The following ENTREP2 variants were observed in gnomAD, a reference collection of about 807,000 sequenced individuals.
ENTREP2 encodes protein ENTREP2.
At chr15:29,607,304 CT>C in the ENTREP2 span, among the ~76,000 whole-genome samples, 24,656 of 131,562 alleles carry the variant, frequency 0.19, 1,717 homozygotes, top group Middle Eastern at 0.25. Flanking sequence ...CTCTTCATTT[CT>C]TTTTTTTTTT....
chr15:29,480,028 T>G, the ENTREP2 span, among the ~76,000 whole-genome samples: 1 of 152,104 alleles, frequency 6.6e-6, no homozygotes, highest in Non-Finnish European at 1.5e-5. Flanking sequence ...GCTAAAAAAT[T>G]TGCTTGTTCA....
the ENTREP2 span, among the ~76,000 whole-genome samples, chr15:29,412,435 C>T: frequency 2.6e-5 from 4 of 151,986 alleles, no homozygotes; most frequent in African/African-American, 9.7e-5. Context: ...AACCACCTTG[C>T]CAAACTCATT....
chr15:29,533,252 C>T, the ENTREP2 span, among the ~76,000 whole-genome samples: 1 of 152,214 alleles, frequency 6.6e-6, no homozygotes, highest in East Asian at 1.9e-4. Context: ...AAAGCCACAG[C>T]ACACACAACT....
At chr15:29,262,235 T>G in the ENTREP2 span, among the ~76,000 whole-genome samples, 2 of 152,216 alleles carry the variant, frequency 1.3e-5, no homozygotes, top group Non-Finnish European at 2.9e-5. Flanking sequence ...GTTATACTGT[T>G]GGGGTTCTTT....
At chr15:29,177,066 T>G in the ENTREP2 span, among the ~76,000 whole-genome samples, 2 of 152,008 alleles carry the variant, frequency 1.3e-5, no homozygotes, top group Non-Finnish European at 2.9e-5. Flanking sequence ...AAGGAAGAGT[T>G]GGAGGGACGC....
the ENTREP2 span, among the ~76,000 whole-genome samples, chr15:29,189,015 T>C: frequency 6.6e-6 from 1 of 152,216 alleles, no homozygotes; most frequent in African/African-American, 2.4e-5. Context: ...TCTCTCCACC[T>C]GGCTGTGCAC....
At chr15:29,397,866 T>TA in the ENTREP2 span, among the ~76,000 whole-genome samples, 1 of 152,190 alleles carries the variant, frequency 6.6e-6, no homozygotes, top group African/African-American at 2.4e-5. Flanking sequence ...CACAAACCTG[T>TA]AAAATATCAC....
the ENTREP2 span, among the ~76,000 whole-genome samples, chr15:29,205,726 TCAACTATA>T: frequency 6.6e-6 from 1 of 152,242 alleles, no homozygotes; most frequent in Non-Finnish European, 1.5e-5. Flanking sequence ...TAACCTCTTA[TCAACTATA>T]CAATTGGTAA....
chr15:29,374,217 T>TCA, the ENTREP2 span: 2 of 152,268 alleles, frequency 1.3e-5, no homozygotes, highest in South Asian at 4.1e-4. Context: ...TTCAAATAGG[T>TCA]AATGGAATCT....
the ENTREP2 span, among the ~76,000 whole-genome samples, chr15:29,334,548 T>A: frequency 1.3e-5 from 2 of 150,132 alleles, no homozygotes; most frequent in South Asian, 4.4e-4. Flanking sequence ...GAACAACATA[T>A]TAAATATTCA....
chr15:29,425,880 A>G, the ENTREP2 span, among the ~76,000 whole-genome samples: 1 of 151,952 alleles, frequency 6.6e-6, no homozygotes, highest in South Asian at 2.1e-4. Flanking sequence ...CAACCACATT[A>G]GTGTCAACAA....
the ENTREP2 span, among the ~76,000 whole-genome samples, chr15:29,416,366 T>C: frequency 2.0e-3 from 305 of 152,328 alleles, 1 homozygote; most frequent in Non-Finnish European, 3.2e-3. Context: ...ATCTGATCTT[T>C]GACTAACCTG....
At chr15:29,179,548 C>T in the ENTREP2 span, among the ~76,000 whole-genome samples, 59 of 151,296 alleles carry the variant, frequency 3.9e-4, no homozygotes, top group African/African-American at 1.4e-3. Flanking sequence ...GCGTGGTGTT[C>T]CACAGTAACT....
chr15:29,151,213 A>G, the ENTREP2 span, among the ~76,000 whole-genome samples: 22,595 of 152,048 alleles, frequency 0.15, 3,088 homozygotes, highest in African/African-American at 0.36. Context: ...CCTGGGAGTG[A>G]CAGGTCTTCT....
At chr15:29,291,980 C>T in the ENTREP2 span, among the ~76,000 whole-genome samples, 1 of 152,112 alleles carries the variant, frequency 6.6e-6, no homozygotes, top group Non-Finnish European at 1.5e-5. Context: ...ACTGCCCCAC[C>T]ACCCAATGTT....
chr15:29,639,378 C>A, the ENTREP2 span, among the ~76,000 whole-genome samples: 4 of 152,046 alleles, frequency 2.6e-5, no homozygotes, highest in South Asian at 8.3e-4. Flanking sequence ...AAAAGTTCTG[C>A]CGAAAGTTTG....
chr15:29,329,469 G>A, the ENTREP2 span, among the ~76,000 whole-genome samples: 1 of 152,132 alleles, frequency 6.6e-6, no homozygotes, highest in Admixed American at 6.5e-5. Context: ...TGAAAACTGC[G>A]AATAAAGAGG....
chr15:29,382,140 T>C, the ENTREP2 span, among the ~76,000 whole-genome samples: 51 of 152,060 alleles, frequency 3.4e-4, no homozygotes, highest in African/African-American at 1.2e-3. Flanking sequence ...CACACGCTTG[T>C]ATTCCTAGCT....
At chr15:29,415,106 T>C in the ENTREP2 span, among the ~76,000 whole-genome samples, 1 of 152,094 alleles carries the variant, frequency 6.6e-6, no homozygotes, top group Non-Finnish European at 1.5e-5. Context: ...CTTCTGAAAC[T>C]ATTCCAATCA....
Sources: allele counts gnomAD v4.1 joint callset (sites outside exome capture counted in the v4.1 genomes callset), GRCh38; gene constraint gnomAD v4.1.1; transcripts MANE v1.5; gene names NCBI Gene and HGNC (gene_info 2026-07-23, HGNC 2026-07-21).